OARD1: variants seen among roughly 807,000 people sequenced by gnomAD.
The protein encoded by OARD1 is O-acyl-ADP-ribose deacylase 1.
OARD1 carries 19 observed loss-of-function variants against 19.7 expected under a neutral mutation model. The ratio of observed to expected loss-of-function variants is 0.96; its 90% CI spans 0.67 to 1.41. The LOEUF is 1.41. OARD1 is among the 40% of genes most tolerant of loss of function. OARD1 has a pLI of 0.00. For missense variants in OARD1, 190 were observed against 183.8 expected, an observed-to-expected ratio of 1.03 and a Z score of -0.20; for synonymous variants, 70 against 61.8, an observed-to-expected ratio of 1.13 and a Z score of -0.62.
At chr6:41,075,298 T>G (rs1763703811), upstream of OARD1, 1 of 152,220 alleles carries the variant, frequency 6.6e-6, no homozygotes, top group Non-Finnish European at 1.5e-5. Context: ...CATCCTCCCT[T>G]CTTGTTCTCC....
In OARD1 at chr6:41,068,154, C is replaced by T. The variant is rs1010937189; in HGVS notation, c.356+687G>A. Among the ~76,000 whole-genome samples, 4 of 152,152 alleles carry T rather than the reference C, an allele frequency of 2.6e-5. No individual in the cohort carries two copies. The South Asian group carries it at 8.3e-4, about 32-fold the overall frequency. ...TCAAAGACCAGTGTAAAATAAGGGA[C>T]ATTTGAGGCCATATGCAAAGTAATG... On this transcript the variant is annotated intron_variant, in intron 5 of 5. Transcript: ENST00000424266.
chr6:41,092,688 T>C (rs886292297), intron 1 of OARD1, among the ~76,000 whole-genome samples: 2 of 152,184 alleles, frequency 1.3e-5, no homozygotes, highest in Non-Finnish European at 2.9e-5. Context: ...TTATATAGTT[T>C]CTCAGAGTGG....
chr6:41,088,444 A>AATTTATTTT (rs1764107933), intron 1 of OARD1, among the ~76,000 whole-genome samples: 1 of 151,248 alleles, frequency 6.6e-6, no homozygotes, highest in East Asian at 1.9e-4. Context: ...AAAAAAAAAA[A>AATTTATTTT]ATTTATTTTA....
In OARD1 at chr6:41,067,530, C is replaced by G. The variant is rs534117319; in HGVS notation, c.357-93G>C. 38 of 838,448 alleles carry G rather than the reference C, an allele frequency of 4.5e-5. 1 individual carries two copies. The South Asian group carries it at 4.9e-4, about 11-fold the overall frequency. 51.9% of individuals were successfully genotyped at this position (838,448 alleles called of 1,614,324 possible). A position where few individuals can be genotyped will look rare whatever the true frequency, so the allele number is the denominator to read the frequency against. On this transcript the variant is annotated intron_variant, in intron 5 of 5. Transcript: ENST00000424266. ...GCTATATCCACTCAAAGCATAAAAACAAATAATCTAGTCTGACACCCTTAT... is the reference window on the plus strand; with the variant it reads ...GCTATATCCACTCAAAGCATAAAAAGAAATAATCTAGTCTGACACCCTTAT...
upstream of OARD1, among the ~76,000 whole-genome samples, chr6:41,076,825 C>T (rs1488937099): frequency 1.3e-5 from 2 of 152,168 alleles, no homozygotes; most frequent in African/African-American, 4.8e-5. Context: ...CTGAAGCTCA[C>T]AGTAGTAGGA....
At chr6:41,084,122 A>T in intron 1 of OARD1, 1 of 1,614,208 alleles carries the variant, frequency 6.2e-7, no homozygotes, top group Non-Finnish European at 8.5e-7. Context: ...ATCATGGTCC[A>T]GGCTGTCCCT....
chr6:41,071,376 C>A, intron 2 of OARD1, 100 bp from the exon 3 acceptor site: 1 of 1,209,994 alleles, frequency 8.3e-7, no homozygotes, highest in Non-Finnish European at 1.2e-6. Flanking sequence ...CCTCTCCCGG[C>A]ACCCCTTCCT....
intron 5 of OARD1, among the ~76,000 whole-genome samples, chr6:41,068,216 T>C (rs1763125532): frequency 6.6e-6 from 1 of 152,154 alleles, no homozygotes; most frequent in African/African-American, 2.4e-5. Context: ...TGCTCAGCAT[T>C]GACTCAAAAC....
rs189840434 is a variant in OARD1 at position 41,079,278 on chromosome 6, A to T, written c.-41-7603T>A. ...TTTGAAAGATACCAGATCTTGTGAG[A>T]TATTGGGTCTGATGGCTTGTGCTGA... On this transcript the variant is annotated intron_variant, in intron 1 of 4. Coordinates refer to the OARD1 transcript ENST00000480585. 3,125 of 985,000 alleles carry T rather than the reference A, an allele frequency of 3.2e-3. 24 individuals carry two copies. Among genetic ancestry groups the T allele is most frequent in the Admixed American group, 0.015 (765 of 50,988 alleles). 61.0% of individuals were successfully genotyped at this position (985,000 alleles called of 1,614,324 possible). A position where few individuals can be genotyped will look rare whatever the true frequency, so the allele number is the denominator to read the frequency against.
chr6:41,076,372 G>A (rs1415364810), upstream of OARD1, among the ~76,000 whole-genome samples: 1 of 152,194 alleles, frequency 6.6e-6, no homozygotes, highest in African/African-American at 2.4e-5. Context: ...ATAATGAAAT[G>A]TGTTTCTTAC....
At chr6:41,093,870 A>G (rs1245173529) in intron 1 of OARD1, among the ~76,000 whole-genome samples, 1 of 152,250 alleles carries the variant, frequency 6.6e-6, no homozygotes, top group Non-Finnish European at 1.5e-5. Context: ...TAAGGCTAGG[A>G]AAGTCCAGCC....
At chr6:41,076,484 A>G (rs1763735764), upstream of OARD1, among the ~76,000 whole-genome samples, 1 of 152,194 alleles carries the variant, frequency 6.6e-6, no homozygotes, top group Admixed American at 6.5e-5. Context: ...TGCTTACACT[A>G]GTTGAGTTTC....
At chr6:41,082,171 C>G (rs1373376197) in intron 1 of OARD1, among the ~76,000 whole-genome samples, 1 of 152,168 alleles carries the variant, frequency 6.6e-6, no homozygotes, top group Non-Finnish European at 1.5e-5. Context: ...ATCACTTTAT[C>G]CTTTCAATCC....
chr6:41,097,105 A>G (rs989120377), intron 1 of OARD1, among the ~76,000 whole-genome samples: 10 of 152,222 alleles, frequency 6.6e-5, no homozygotes, highest in African/African-American at 2.4e-4. Flanking sequence ...AAAGAGATAC[A>G]CTAACAGCCC....
At chr6:41,092,814 G>A (rs939717021) in intron 1 of OARD1, 37 of 1,279,286 alleles carry the variant, frequency 2.9e-5, no homozygotes, top group African/African-American at 4.5e-5. Context: ...ATTACTTTTT[G>A]TGGCATTTAC....
chr6:41,095,450 A>G (rs986778646), intron 1 of OARD1, among the ~76,000 whole-genome samples: 5 of 152,118 alleles, frequency 3.3e-5, no homozygotes, highest in Admixed American at 2.0e-4. Flanking sequence ...CTTCTCTCTC[A>G]GTATGTTCTT....
chr6:41,093,266 G>A (rs961055660), intron 1 of OARD1, among the ~76,000 whole-genome samples: 1 of 152,088 alleles, frequency 6.6e-6, no homozygotes, highest in Non-Finnish European at 1.5e-5. Context: ...TTATAATAAC[G>A]AAAACAAACA....
At chr6:41,082,321 T>C (rs1031455686) in intron 1 of OARD1, among the ~76,000 whole-genome samples, 10 of 152,252 alleles carry the variant, frequency 6.6e-5, no homozygotes, top group Non-Finnish European at 1.2e-4. Context: ...GTTAATGTTT[T>C]TCATGCTTGC....
chr6:41,074,344 G>C (rs1763667413), upstream of OARD1, among the ~76,000 whole-genome samples: 1 of 152,206 alleles, frequency 6.6e-6, no homozygotes, highest in Non-Finnish European at 1.5e-5. Context: ...CCGTGTGTTA[G>C]GGAGGGAGTA....
Sources: gnomAD v4.1 joint callset for allele counts (sites outside exome capture counted in the v4.1 genomes callset) on GRCh38, gnomAD v4.1.1 for gene constraint, MANE v1.5 for transcripts, NCBI Gene and HGNC (gene_info 2026-07-23, HGNC 2026-07-21) for gene names.